PTPRT: variants seen among roughly 807,000 people sequenced by gnomAD.
The protein encoded by PTPRT is receptor-type tyrosine-protein phosphatase T.
In PTPRT, 56 loss-of-function variants were observed where a neutral mutation model predicts 176.8. That is an observed-to-expected ratio of 0.32 (90% CI 0.26 to 0.40). The LOEUF (loss-of-function observed/expected upper bound fraction) is 0.40, where lower values mean the gene tolerates loss of function less well. PTPRT is among the 10% of genes least tolerant of loss of function. The probability of loss-of-function intolerance (pLI) is 1.00; values close to 1 mark genes in which losing one functional copy is unlikely to be tolerated. For synonymous variants in PTPRT, 783 were observed against 739.0 expected (o/e 1.06, Z -0.96); for missense variants, 1,540 against 1,908.2 (o/e 0.81, Z 3.60).
chr20:42,522,951 G>A (rs1057236662), intron 7 of PTPRT, among the ~76,000 whole-genome samples: 16 of 152,008 alleles, frequency 1.1e-4, no homozygotes, highest in South Asian at 4.2e-4. Context: ...TCTGATACTC[G>A]CAGATCTTCA....
intron 14 of PTPRT, among the ~76,000 whole-genome samples, chr20:42,245,772 C>T (rs2056438240): frequency 6.6e-6 from 1 of 152,114 alleles, no homozygotes. Flanking sequence ...AAGCTGGGGA[C>T]ATCTTATGTT....
chr20:42,035,545 G>A, the PTPRT span, among the ~76,000 whole-genome samples: 2 of 152,146 alleles, frequency 1.3e-5, no homozygotes, highest in East Asian at 3.9e-4. Flanking sequence ...CCCAGCTATT[G>A]GCTATCCACC....
At chr20:42,136,999 A>G (rs978958007) in intron 18 of PTPRT, among the ~76,000 whole-genome samples, 2 of 152,210 alleles carry the variant, frequency 1.3e-5, no homozygotes, top group Non-Finnish European at 2.9e-5. Context: ...TTCTGGGGAC[A>G]TTTAATATTC....
chr20:42,621,476 T>C (rs913388567), intron 7 of PTPRT, among the ~76,000 whole-genome samples: 6 of 152,214 alleles, frequency 3.9e-5, no homozygotes, highest in Non-Finnish European at 7.3e-5. Context: ...ACTCTTGCCA[T>C]CACCTGTGGA....
intron 11 of PTPRT, among the ~76,000 whole-genome samples, chr20:42,324,837 C>T (rs1350264365): frequency 6.6e-6 from 1 of 152,114 alleles, no homozygotes; most frequent in Admixed American, 6.5e-5. Context: ...CACTATTTGC[C>T]TAGTCAAAAT....
chr20:42,863,790 G>C (rs957425117), intron 2 of PTPRT, among the ~76,000 whole-genome samples: 1 of 152,220 alleles, frequency 6.6e-6, no homozygotes, highest in Non-Finnish European at 1.5e-5. Context: ...TCTGAGGAAA[G>C]TGGGCAGACC....
At chr20:42,692,479 T>A (rs993145593) in intron 6 of PTPRT, among the ~76,000 whole-genome samples, 3 of 152,204 alleles carry the variant, frequency 2.0e-5, no homozygotes, top group Non-Finnish European at 1.5e-5. Flanking sequence ...GAGGAAGCAC[T>A]TGATGGAAAT....
At chr20:42,266,332 G>A (rs951286563) in intron 13 of PTPRT, among the ~76,000 whole-genome samples, 5 of 152,154 alleles carry the variant, frequency 3.3e-5, no homozygotes, top group South Asian at 2.1e-4. Context: ...CTGCCACTGG[G>A]GATGACCTTT....
intron 15 of PTPRT, among the ~76,000 whole-genome samples, chr20:42,202,319 G>GT (rs1292976993): frequency 1.3e-5 from 2 of 152,104 alleles, no homozygotes; most frequent in East Asian, 3.9e-4. Flanking sequence ...GGAGAAACAT[G>GT]TAGCCTAAAA....
At chr20:42,845,272 GT>G (rs2078349916) in intron 2 of PTPRT, among the ~76,000 whole-genome samples, 2 of 118,414 alleles carry the variant, frequency 1.7e-5, no homozygotes, top group South Asian at 6.7e-4. Flanking sequence ...GGGCTGTCTT[GT>G]GTGGTAATGG....
intron 7 of PTPRT, among the ~76,000 whole-genome samples, chr20:42,551,849 C>A (rs552649714): frequency 6.6e-6 from 1 of 152,174 alleles, no homozygotes; most frequent in Non-Finnish European, 1.5e-5. Flanking sequence ...TGGACCTTCC[C>A]CATTCCTTGC....
chr20:42,146,431 T>G (rs1181580572), intron 17 of PTPRT, among the ~76,000 whole-genome samples: 1 of 152,198 alleles, frequency 6.6e-6, no homozygotes, highest in Non-Finnish European at 1.5e-5. Flanking sequence ...GTGCCAGGGT[T>G]TGGGTTACCA....
intron 7 of PTPRT, among the ~76,000 whole-genome samples, chr20:42,568,396 G>C (rs2073085349): frequency 6.6e-6 from 1 of 152,136 alleles, no homozygotes; most frequent in Non-Finnish European, 1.5e-5. Flanking sequence ...CACTTTACAG[G>C]TGAGAAAATT....
At chr20:42,110,668 G>A (rs45543236) in intron 22 of PTPRT, among the ~76,000 whole-genome samples, 181 bp from the exon 23 acceptor site, 15,314 of 152,200 alleles carry the variant, frequency 0.1, 850 homozygotes, top group African/African-American at 0.15. Flanking sequence ...GGGAAATATG[G>A]GATTGTTAAA....
intron 16 of PTPRT, among the ~76,000 whole-genome samples, chr20:42,178,750 G>C (rs1233140117): frequency 1.3e-5 from 2 of 152,148 alleles, no homozygotes; most frequent in Admixed American, 6.5e-5. Flanking sequence ...CAAGTTAACT[G>C]ATTTCATAAT....
At chr20:42,995,120 C>T (rs1404861502) in intron 1 of PTPRT, among the ~76,000 whole-genome samples, 4 of 152,176 alleles carry the variant, frequency 2.6e-5, no homozygotes, top group African/African-American at 7.2e-5. Context: ...ATGAGAATTC[C>T]TTGTCGTATT....
chr20:42,573,386 C>T (rs1264786684), intron 7 of PTPRT, among the ~76,000 whole-genome samples: 1 of 152,198 alleles, frequency 6.6e-6, no homozygotes, highest in Non-Finnish European at 1.5e-5. Flanking sequence ...ACCCTTCCTC[C>T]ATAGATAGGA....
intron 1 of PTPRT, among the ~76,000 whole-genome samples, chr20:43,001,327 C>T (rs6072938): frequency 0.19 from 29,233 of 151,912 alleles, 2,913 homozygotes; most frequent in Middle Eastern, 0.21. Context: ...TTTGGTGAAA[C>T]TCAAAAATAG....
intron 7 of PTPRT, among the ~76,000 whole-genome samples, chr20:42,495,059 C>T (rs1824117723): frequency 6.6e-6 from 1 of 152,138 alleles, no homozygotes. Flanking sequence ...CATTTCTTGT[C>T]TTCCTCACTG....
Sources: gnomAD v4.1 joint callset for allele counts (sites outside exome capture counted in the v4.1 genomes callset) on GRCh38, gnomAD v4.1.1 for gene constraint, MANE v1.5 for transcripts, NCBI Gene and HGNC (gene_info 2026-07-23, HGNC 2026-07-21) for gene names.